PTPRE: variants seen among roughly 807,000 people sequenced by gnomAD.
PTPRE encodes protein tyrosine phosphatase receptor type E.
Under a neutral mutation model 102.0 loss-of-function variants are expected in PTPRE, and 51 were observed. That is an observed-to-expected ratio of 0.50 (90% CI 0.40 to 0.63). PTPRE has a LOEUF of 0.63. PTPRE is among the 30% of genes least tolerant of loss of function. The probability of loss-of-function intolerance (pLI) is 0.00; values close to 1 mark genes in which losing one functional copy is unlikely to be tolerated. For missense variants in PTPRE, 752 were observed against 915.1 expected (o/e 0.82, Z 2.30); for synonymous variants, 345 against 348.2 (o/e 0.99, Z 0.10).
At chr10:127,987,951 C>T (rs189756232) in intron 2 of PTPRE, among the ~76,000 whole-genome samples, 1 of 152,350 alleles carries the variant, frequency 6.6e-6, no homozygotes, top group African/African-American at 2.4e-5. Context: ...AGGGCCGGCA[C>T]TCTGTGTGTA....
At chr10:127,981,595 A>T (rs935029572) in intron 1 of PTPRE, among the ~76,000 whole-genome samples, 8 of 152,172 alleles carry the variant, frequency 5.3e-5, no homozygotes, top group Admixed American at 3.9e-4. Context: ...AGGCGAGCAG[A>T]TCACTTGAGG....
rs1277869269 is a variant in PTPRE, at chr10:127,907,946, A to G, written c.-31+637A>G. Among the ~76,000 whole-genome samples the G allele has an allele frequency of 1.3e-5, 2 of 152,120 alleles. No individual in the cohort carries two copies. Among genetic ancestry groups the G allele is most frequent in the Admixed American group, 6.5e-5 (1 of 15,282 alleles). On this transcript the variant is annotated intron_variant, in intron 1 of 20. Transcript: ENST00000254667. The surrounding 1 kb of genome is among the most constrained non-coding windows in gnomAD (Gnocchi z 4.8). The stretch of plus-strand genomic sequence containing the variant: ...CGATTTGCAGGGTCGACGACCTCAC[A>G]GGGCTCCTGAGCACAGATGCGAGCG...
chr10:128,012,954 G>T (rs955215560), intron 2 of PTPRE, among the ~76,000 whole-genome samples: 1 of 152,122 alleles, frequency 6.6e-6, no homozygotes, highest in African/African-American at 2.4e-5. Flanking sequence ...TCTATTACTG[G>T]CTCTTGGTCA....
intron 17 of PTPRE, among the ~76,000 whole-genome samples, chr10:128,074,611 G>A (rs1355748962): frequency 6.6e-6 from 1 of 151,836 alleles, no homozygotes; most frequent in Non-Finnish European, 1.5e-5. Flanking sequence ...AGGTTGCATT[G>A]AGCTGAGATC....
At chr10:127,970,594 G>T (rs562842688) in intron 1 of PTPRE, among the ~76,000 whole-genome samples, 99 of 151,978 alleles carry the variant, frequency 6.5e-4, no homozygotes, top group African/African-American at 2.2e-3. Flanking sequence ...CTGAGCCGTG[G>T]ATTACACAGT....
At chr10:127,909,844 T>C (rs1395671829) in intron 1 of PTPRE, among the ~76,000 whole-genome samples, 1 of 152,162 alleles carries the variant, frequency 6.6e-6, no homozygotes, top group Non-Finnish European at 1.5e-5. Context: ...GTATGGTTGA[T>C]AGGCAGCCAC....
chr10:128,070,157 G>T lies in PTPRE; in HGVS notation c.1144-144G>T. 1.0e-6 allele frequency: 1 copy of T among 971,198 alleles called. No homozygotes were observed. The allele number at this position is 971,198 out of a possible 1,614,324, so 60.2% of individuals were successfully genotyped here. A position where few individuals can be genotyped will look rare whatever the true frequency, so the allele number is the denominator to read the frequency against. On this transcript the variant is annotated intron_variant, in intron 13 of 20. Transcript: ENST00000254667. The surrounding 1 kb of genome is among the most constrained non-coding windows in gnomAD (Gnocchi z 4.8). ...GCATAAATGGTCGTTATCCGTGGCC[G>T]GTACTCTGACTCTTGCCTCACACCT...
At chr10:127,990,561 C>A (rs1401804467) in intron 2 of PTPRE, among the ~76,000 whole-genome samples, 1 of 152,106 alleles carries the variant, frequency 6.6e-6, no homozygotes, top group Non-Finnish European at 1.5e-5. Flanking sequence ...ACCTAGAGTT[C>A]TATGCTCTAG....
At chr10:128,027,879 G>A (rs567753456) in intron 2 of PTPRE, among the ~76,000 whole-genome samples, 2 of 152,208 alleles carry the variant, frequency 1.3e-5, no homozygotes, top group Admixed American at 6.5e-5. Context: ...GCTGAAAGAG[G>A]GCAGGTGACA....
chr10:128,043,626 G>A (rs951239090), intron 3 of PTPRE, among the ~76,000 whole-genome samples: 2 of 152,330 alleles, frequency 1.3e-5, no homozygotes, highest in Middle Eastern at 3.4e-3. Context: ...TGTAACAGGC[G>A]TACAGGCTAA....
At chr10:127,941,476 T>C (rs1428661762) in intron 1 of PTPRE, among the ~76,000 whole-genome samples, 3 of 152,268 alleles carry the variant, frequency 2.0e-5, no homozygotes, top group Non-Finnish European at 4.4e-5. Context: ...AGGGGTGCCC[T>C]GCTCAGGCTC....
intron 1 of PTPRE, among the ~76,000 whole-genome samples, chr10:127,972,873 C>T (rs1046719601): frequency 4.6e-5 from 7 of 152,208 alleles, no homozygotes; most frequent in Non-Finnish European, 8.8e-5. Flanking sequence ...TACCACCGGC[C>T]TTTAATGTCT....
chr10:127,955,759 G>A (rs555652473), intron 1 of PTPRE, among the ~76,000 whole-genome samples: 3 of 152,164 alleles, frequency 2.0e-5, no homozygotes, highest in Non-Finnish European at 2.9e-5. Context: ...AGGTTTAATT[G>A]ACTAACAGTT....
rs920920343 is a variant in PTPRE, at chr10:128,049,800, G to A, written c.420+134G>A. Reference sequence around the variant, plus strand: ...TTATGACACTGTCCCATGAATGGGCGTGTGAGGAAACCTGGTGTGTGGTGC... The same window carrying A: ...TTATGACACTGTCCCATGAATGGGCATGTGAGGAAACCTGGTGTGTGGTGC... On this transcript the variant is annotated intron_variant, in intron 6 of 20. Coordinates refer to ENST00000254667, the MANE Select transcript of PTPRE (RefSeq NM_006504.6). 8.0e-5 allele frequency: 103 copies of A among 1,287,060 alleles called. 1 individual carries two copies. The highest frequency in any genetic ancestry group is 5.0e-4 in the Middle Eastern group (2 of 4,040). The allele number at this position is 1,287,060 out of a possible 1,614,324, so 79.7% of individuals were successfully genotyped here.
intron 2 of PTPRE, among the ~76,000 whole-genome samples, chr10:128,000,473 C>G (rs1030383026): frequency 2.0e-5 from 3 of 152,190 alleles, no homozygotes; most frequent in African/African-American, 7.2e-5. Context: ...TTTTCTCTCT[C>G]TCTCTTTTTT....
intron 3 of PTPRE, among the ~76,000 whole-genome samples, chr10:128,045,292 T>C (rs1590121536): frequency 1.3e-5 from 2 of 152,330 alleles, no homozygotes; most frequent in African/African-American, 4.8e-5. Flanking sequence ...CAGCCTTCAC[T>C]ACAGGCAGGA....
At chr10:127,913,891 A>G (rs1158152452) in intron 1 of PTPRE, among the ~76,000 whole-genome samples, 2 of 152,132 alleles carry the variant, frequency 1.3e-5, no homozygotes, top group African/African-American at 4.8e-5. Context: ...TTGGTCTGAA[A>G]TCCTTGTCAT....
intron 1 of PTPRE, among the ~76,000 whole-genome samples, chr10:127,954,931 T>G (rs1014863966): frequency 1.8e-4 from 28 of 151,506 alleles, no homozygotes; most frequent in African/African-American, 6.8e-4. Context: ...GACACAACAA[T>G]GATTCCACTC....
chr10:127,941,948 G>T (rs190035027), intron 1 of PTPRE, among the ~76,000 whole-genome samples: 9 of 152,280 alleles, frequency 5.9e-5, no homozygotes, highest in Non-Finnish European at 1.2e-4. Flanking sequence ...CATCAGTGTG[G>T]CCCAGACTGT....
Sources: allele counts gnomAD v4.1 joint callset (sites outside exome capture counted in the v4.1 genomes callset), GRCh38; gene constraint gnomAD v4.1.1; non-coding constraint Gnocchi (gnomAD v3.1); transcripts MANE v1.5; gene names NCBI Gene and HGNC (gene_info 2026-07-23, HGNC 2026-07-21).